The following ISCA1 variants were observed in gnomAD, a reference collection of about 807,000 sequenced individuals.
The protein encoded by ISCA1 is iron-sulfur cluster assembly 1, also known as iron-sulfur cluster assembly 1 homolog, mitochondrial.
In ISCA1, 9 loss-of-function variants were observed where a neutral mutation model predicts 14.7. That is an observed-to-expected ratio of 0.61 (90% CI 0.37 to 1.07). The LOEUF is 1.07. Among genes scored for constraint, ISCA1 ranks in the 50% least tolerant of loss-of-function variants. The pLI is 0.01. For missense variants in ISCA1, 102 were observed against 150.1 expected (o/e 0.68, Z 1.67); for synonymous variants, 38 against 54.3 (o/e 0.70, Z 1.32).
At chr9:86,269,725 T>C (rs1225390711) in intron 3 of ISCA1, among the ~76,000 whole-genome samples, 1 of 151,856 alleles carries the variant, frequency 6.6e-6, no homozygotes, top group Non-Finnish European at 1.5e-5. Context: ...AACAGCATGG[T>C]ACTGGTACCA....
intron 3 of ISCA1, chr9:86,266,886 C>T (rs1263227591): frequency 6.6e-6 from 1 of 152,212 alleles, no homozygotes; most frequent in East Asian, 1.9e-4. Context: ...TTTTTAGAGT[C>T]AGGGTTTCAC....
At chr9:86,280,859 T>A (rs1389096839) in intron 1 of ISCA1, among the ~76,000 whole-genome samples, 3 of 151,668 alleles carry the variant, frequency 2.0e-5, no homozygotes, top group East Asian at 3.9e-4. Context: ...GCCCAGGAGG[T>A]TGACGCTGCA....
intron 3 of ISCA1, 43 bp downstream of exon 3, chr9:86,271,964 T>C: frequency 1.8e-6 from 2 of 1,083,964 alleles, no homozygotes; most frequent in South Asian, 1.3e-5. Flanking sequence ...CTAATAATTT[T>C]AGGCAAAACA....
At chr9:86,267,486 C>T (rs1024529652) in intron 3 of ISCA1, 14 of 974,330 alleles carry the variant, frequency 1.4e-5, no homozygotes, top group Non-Finnish European at 1.3e-5. Flanking sequence ...AAGCTAAGTG[C>T]ATACTTCCAA....
intron 1 of ISCA1, among the ~76,000 whole-genome samples, chr9:86,277,173 C>T (rs544613866): frequency 1.2e-4 from 18 of 152,108 alleles, no homozygotes; most frequent in South Asian, 2.1e-4. Context: ...GAAAGCAATT[C>T]GTGGGGATTG....
At chr9:86,280,762 C>T (rs1254908388) in intron 1 of ISCA1, among the ~76,000 whole-genome samples, 1 of 152,016 alleles carries the variant, frequency 6.6e-6, no homozygotes, top group East Asian at 1.9e-4. Flanking sequence ...CCAGCCTGGG[C>T]AACCCAGGGA....
intron 1 of ISCA1, among the ~76,000 whole-genome samples, chr9:86,275,897 T>A (rs985391657): frequency 1.3e-5 from 2 of 152,174 alleles, no homozygotes; most frequent in African/African-American, 4.8e-5. Flanking sequence ...GAAATAGTTA[T>A]TATTTTTTAA....
chr9:86,277,346 C>G (rs959099349), intron 1 of ISCA1, among the ~76,000 whole-genome samples: 1 of 152,142 alleles, frequency 6.6e-6, no homozygotes. Context: ...ACCTACTCCA[C>G]TGGGAGGGTG....
At chr9:86,266,296 ACAAGAAGC>A in intron 3 of ISCA1, 105 bp from the exon 4 acceptor site, 1 of 1,465,172 alleles carries the variant, frequency 6.8e-7, no homozygotes, top group Non-Finnish European at 9.1e-7. Flanking sequence ...TGAAAGTCAA[ACAAGAAGC>A]CTTGAACATT....
At chr9:86,272,999 A>G (rs1825390913) in intron 2 of ISCA1, among the ~76,000 whole-genome samples, 1 of 152,252 alleles carries the variant, frequency 6.6e-6, no homozygotes, top group South Asian at 2.1e-4. Context: ...GACTGTATAC[A>G]GCAAAAGTAT....
At chr9:86,282,137 G>A (rs975817811) in intron 1 of ISCA1, 6 of 533,852 alleles carry the variant, frequency 1.1e-5, no homozygotes, top group Non-Finnish European at 1.9e-5. Flanking sequence ...CGGTTGCCGC[G>A]CGGCCTGACG....
rs889617554 is a variant in ISCA1 at position 86,265,687 on chromosome 9, T to A, written c.*356A>T. 4.1e-6 allele frequency: 1 copy of A among 245,476 alleles called. No individual in the cohort carries two copies. The highest frequency in any genetic ancestry group is 5.2e-5 in the Admixed American group (1 of 19,282). The allele number at this position is 245,476 out of a possible 1,614,324, so 15.2% of individuals were successfully genotyped here. On this transcript the variant is annotated 3_prime_UTR_variant, in exon 4 of 4. Coordinates refer to ENST00000375991, the MANE Select transcript of ISCA1 (RefSeq NM_030940.4). ...GATGTCCTGTCTCAGATTTTAGGAGTCACCGATCTGGTTGGGAGAAATGCT... is the reference window on the plus strand; with the variant it reads ...GATGTCCTGTCTCAGATTTTAGGAGACACCGATCTGGTTGGGAGAAATGCT...
Position 86,282,486 on chromosome 9 carries a change from C to A in ISCA1, c.-28G>T. 2 of 1,550,358 alleles carry A rather than the reference C, an allele frequency of 1.3e-6. No individual in the cohort carries two copies. Among genetic ancestry groups the A allele is most frequent in the Non-Finnish European group, 1.7e-6 (2 of 1,146,932 alleles). ...TCGCCGTCCCGGCGCCCCGGTGCCT[C>A]GGGCCGAAGGTCGGCCGCCTCAGCT... On this transcript the variant is annotated 5_prime_UTR_variant, in exon 1 of 4. The change creates a premature stop within an existing upstream ORF in the 5' untranslated region. Transcript: ENST00000375991.
chr9:86,265,888 A>T lies in ISCA1; in HGVS notation c.*155T>A. 1 of 1,196,880 alleles carries T rather than the reference A, an allele frequency of 8.4e-7. No homozygotes were observed. Among genetic ancestry groups the T allele is most frequent in the Non-Finnish European group, 1.2e-6 (1 of 803,870 alleles). The allele number at this position is 1,196,880 out of a possible 1,614,324, so 74.1% of individuals were successfully genotyped here. Reference sequence around the variant, plus strand: ...TCATTTTCTGTCCCCTATAGAGAATATAAATATCATTTCTTCTGGAATCCA... The same window carrying T: ...TCATTTTCTGTCCCCTATAGAGAATTTAAATATCATTTCTTCTGGAATCCA... On this transcript the variant is annotated 3_prime_UTR_variant, in exon 4 of 4. Transcript: ENST00000375991.
chr9:86,278,876 T>C (rs1206864064), intron 1 of ISCA1, among the ~76,000 whole-genome samples: 1 of 152,214 alleles, frequency 6.6e-6, no homozygotes, highest in African/African-American at 2.4e-5. Flanking sequence ...TTAAATAATT[T>C]GCACAGCATA....
intron 1 of ISCA1, 79 bp downstream of exon 1, chr9:86,282,299 C>G: frequency 4.8e-6 from 7 of 1,453,272 alleles, no homozygotes; most frequent in Non-Finnish European, 5.5e-6. Flanking sequence ...CGGCCCCACT[C>G]CCGGCCGCCG....
In ISCA1 at chr9:86,282,533, C is replaced by T. The variant is rs995492179; in HGVS notation, c.-75G>A. The T allele has an allele frequency of 1.3e-6, 2 of 1,549,150 alleles. No individual in the cohort carries two copies. The highest frequency in any genetic ancestry group is 2.4e-5 in the East Asian group (1 of 40,888). ...AGCTTCTCTCCATGGACACGGCGGG[C>T]GCATTGACGCCACAAGCTTCGGCGC... On this transcript the variant is annotated 5_prime_UTR_variant, in exon 1 of 4. Transcript: ENST00000375991.
intron 1 of ISCA1, among the ~76,000 whole-genome samples, chr9:86,276,522 A>T (rs1244327643): frequency 6.6e-6 from 1 of 152,140 alleles, no homozygotes; most frequent in African/African-American, 2.4e-5. Context: ...GTCAAATAAA[A>T]ATAGCTTTCT....
At position 86,269,375 on chromosome 9, in the gene ISCA1, A is replaced by G. The variant is rs1203422267; in HGVS notation, c.241+2632T>C. The stretch of plus-strand genomic sequence containing the variant: ...AGAGAATAAAATACTTAGGAATCCA[A>G]CTTAAAAAGGACGTGAAGGACCTCT... On this transcript the variant is annotated intron_variant, in intron 3 of 3. Coordinates refer to ENST00000375991, the MANE Select transcript of ISCA1 (RefSeq NM_030940.4). 3.3e-5 allele frequency among the ~76,000 whole-genome samples: 5 copies of G among 152,156 alleles called. No individual in the cohort carries two copies. In the East Asian group the frequency reaches 7.7e-4, roughly 23 times the overall value.
Sources: gnomAD v4.1 joint callset for allele counts (sites outside exome capture counted in the v4.1 genomes callset) on GRCh38, gnomAD v4.1.1 for gene constraint, MANE v1.5 for transcripts, NCBI Gene and HGNC (gene_info 2026-07-23, HGNC 2026-07-21) for gene names.